The following ZMYND8 variants were observed in gnomAD, a reference collection of about 807,000 sequenced individuals.
ZMYND8 encodes zinc finger MYND-type containing 8, also known as MYND-type zinc finger-containing chromatin reader ZMYND8.
A neutral mutation model predicts 140.8 loss-of-function variants in ZMYND8; 37 were observed. That is an observed-to-expected ratio of 0.26 (90% confidence interval 0.20 to 0.35). The LOEUF (loss-of-function observed/expected upper bound fraction) is 0.35. Among genes scored for constraint, ZMYND8 ranks in the 10% least tolerant of loss-of-function variants. ZMYND8 has a pLI of 1.00. For missense variants in ZMYND8, 1,068 were observed against 1,570.0 expected (o/e 0.68, Z 5.40); for synonymous variants, 592 against 597.1 (o/e 0.99, Z 0.12).
Position 47,336,608 on chromosome 20 carries a change from A to G in ZMYND8, c.85+11248T>C, listed in dbSNP as rs941606266. On this transcript the variant is annotated intron_variant, in intron 2 of 22. Transcript: ENST00000471951. ...TCAAGGCGCTTGTTCTGACTCACGC[A>G]TGGTGAGGCCAAATTCTGCAATGAA... Among the ~76,000 whole-genome samples, 14 of 152,182 alleles carry G rather than the reference A, an allele frequency of 9.2e-5. 1 individual carries two copies. The highest frequency in any genetic ancestry group is 1.9e-4 in the East Asian group (1 of 5,196).
chr20:47,333,745 A>AACAAC (rs2081163428), intron 2 of ZMYND8, among the ~76,000 whole-genome samples: 1 of 143,356 alleles, frequency 7.0e-6, no homozygotes, highest in African/African-American at 2.7e-5. Context: ...AAAAAAAAAA[A>AACAAC]AAAAAAAAAA....
intron 3 of ZMYND8, among the ~76,000 whole-genome samples, chr20:47,308,329 G>A (rs970493845): frequency 1.3e-5 from 2 of 148,824 alleles, no homozygotes; most frequent in Middle Eastern, 3.5e-3. Context: ...AGCAATTCTC[G>A]TGCCTCAGCC....
chr20:47,234,864 G>T (rs939267560), intron 16 of ZMYND8, among the ~76,000 whole-genome samples: 3 of 152,126 alleles, frequency 2.0e-5, no homozygotes, highest in South Asian at 4.2e-4. Flanking sequence ...AACAGGCTGG[G>T]TGTGGTGGCT....
At position 47,238,851 on chromosome 20, in the gene ZMYND8, G is replaced by C. The variant is rs1278370582; in HGVS notation, c.2572C>G (p.Gln858Glu). The C allele has an allele frequency of 5.6e-6, 9 of 1,613,268 alleles. No individual in the cohort carries two copies. The highest frequency in any genetic ancestry group is 6.8e-6 in the Non-Finnish European group (8 of 1,180,046). ...TGCTGCTGCTGCTGCTGCTGACGCT[G>C]CATCTTCTGCATGTGCCACTTTTGG... ...SSQKWHMQKM[Q>E]RQQQQQQQQN... The change falls in exon 15 of 23, where the codon CAG becomes GAG. Residue 858 changes from glutamine (Q) to glutamate (E), a missense_variant. Coordinates refer to ENST00000471951, the MANE Select transcript of ZMYND8 (RefSeq NM_001281775.3).
At chr20:47,299,878 G>A (rs942675917) in intron 3 of ZMYND8, among the ~76,000 whole-genome samples, 8 of 152,234 alleles carry the variant, frequency 5.3e-5, no homozygotes, top group African/African-American at 1.4e-4. Context: ...CACTGCACCC[G>A]GCCAGTTATC....
rs1449293857 is a variant in ZMYND8 at position 47,224,635 on chromosome 20, G to A, written c.3017-79C>T. 3.2e-6 allele frequency: 5 copies of A among 1,583,486 alleles called. No individual in the cohort carries two copies. In the East Asian group the frequency reaches 1.1e-4, roughly 35 times the overall value. The stretch of plus-strand genomic sequence containing the variant: ...GGGGTTATTCCTGCCCCCAGATTCA[G>A]GCAGACGTGGATGCAAGACCTGGCT... On this transcript the variant is annotated intron_variant, in intron 18 of 22. Coordinates refer to ENST00000471951, the MANE Select transcript of ZMYND8 (RefSeq NM_001281775.3).
At chr20:47,313,073 T>G (rs1287803829) in intron 2 of ZMYND8, among the ~76,000 whole-genome samples, 1 of 151,930 alleles carries the variant, frequency 6.6e-6, no homozygotes. Flanking sequence ...AAGAATACAT[T>G]ACAGTCACAT....
chr20:47,253,536 C>CAA (rs11475274), intron 12 of ZMYND8, among the ~76,000 whole-genome samples: 20 of 115,890 alleles, frequency 1.7e-4, no homozygotes, highest in Middle Eastern at 4.2e-3. Flanking sequence ...GACTCCATCT[C>CAA]AAAAAAAAAA....
At chr20:47,240,328 A>T (rs1410162912) in intron 14 of ZMYND8, among the ~76,000 whole-genome samples, 1 of 152,010 alleles carries the variant, frequency 6.6e-6, no homozygotes, top group East Asian at 2.0e-4. Flanking sequence ...CAGCCTGGCC[A>T]ACATAGTGAA....
intron 2 of ZMYND8, among the ~76,000 whole-genome samples, chr20:47,338,519 G>A (rs564177468): frequency 3.9e-5 from 6 of 152,060 alleles, no homozygotes; most frequent in Admixed American, 6.5e-5. Context: ...GCTTCATCCC[G>A]GTCAGCTTCA....
At chr20:47,235,379 TG>T (rs1156461908) in intron 16 of ZMYND8, among the ~76,000 whole-genome samples, 2 of 152,100 alleles carry the variant, frequency 1.3e-5, no homozygotes, top group African/African-American at 4.8e-5. Context: ...GAACTGCAGA[TG>T]GTATCTACCT....
At position 47,219,055 on chromosome 20, in the gene ZMYND8, A is replaced by ATTTTTTTTTTTTTTTTTTTTTTTTT. The variant is rs3092175; in HGVS notation, c.3484+1202_3484+1203insAAAAAAAAAAAAAAAAAAAAAAAAA. Among the ~76,000 whole-genome samples the ATTTTTTTTTTTTTTTTTTTTTTTTT allele has an allele frequency of 1.5e-4, 17 of 110,922 alleles. 1 individual carries two copies. The highest frequency in any genetic ancestry group is 8.4e-4 in the East Asian group (3 of 3,572). 72.8% of individuals were successfully genotyped at this position (110,922 alleles called of 152,430 possible). A position where few individuals can be genotyped will look rare whatever the true frequency, so the allele number is the denominator to read the frequency against. ...AACATGGCAAAACCCCGTTTCTACA[A>ATTTTTTTTTTTTTTTTTTTTTTTTT]TTTTTTTTTTTTTTTTTTTTGAGAG... On this transcript the variant is annotated intron_variant, in intron 21 of 22. Transcript: ENST00000471951.
At chr20:47,266,737 T>C (rs2075554703) in intron 11 of ZMYND8, among the ~76,000 whole-genome samples, 1 of 152,216 alleles carries the variant, frequency 6.6e-6, no homozygotes, top group Admixed American at 6.5e-5. Context: ...AGGGACCATA[T>C]GGCCCCCAAC....
chr20:47,350,025 G>A (rs1272515144), intron 1 of ZMYND8: 7 of 1,462,500 alleles, frequency 4.8e-6, no homozygotes, highest in East Asian at 2.6e-5. Flanking sequence ...GTTATGTGGT[G>A]GCTATTTGCT....
chr20:47,219,075 T>TTTTTTTTTTGG (rs1374089864), intron 21 of ZMYND8, among the ~76,000 whole-genome samples: 1 of 148,544 alleles, frequency 6.7e-6, no homozygotes, highest in African/African-American at 2.5e-5. Context: ...TTTTTTTTTT[T>TTTTTTTTTTGG]GAGAGAGAGT....
intron 18 of ZMYND8, among the ~76,000 whole-genome samples, chr20:47,226,713 G>A (rs1471252726): frequency 6.6e-6 from 1 of 152,214 alleles, no homozygotes; most frequent in African/African-American, 2.4e-5. Context: ...AACAGTTTGT[G>A]TAATGAAATT....
At chr20:47,329,660 T>TCCCAAA (rs1315852449) in intron 2 of ZMYND8, among the ~76,000 whole-genome samples, 1 of 152,136 alleles carries the variant, frequency 6.6e-6, no homozygotes, top group East Asian at 1.9e-4. Context: ...CACCTTGCCC[T>TCCCAAA]CCCAAAGTGC....
At chr20:47,283,536 C>T (rs2076739754) in intron 9 of ZMYND8, 35 bp downstream of exon 9, 1 of 1,610,788 alleles carries the variant, frequency 6.2e-7, no homozygotes, top group Non-Finnish European at 8.5e-7. Context: ...GCACAGGGTT[C>T]AGTAAATGAA....
intron 11 of ZMYND8, among the ~76,000 whole-genome samples, chr20:47,272,091 T>C (rs1176976892): frequency 1.3e-5 from 2 of 151,834 alleles, no homozygotes; most frequent in African/African-American, 4.8e-5. Flanking sequence ...TCTTTTTTTT[T>C]CTTTGAGACA....
Sources: gnomAD v4.1 joint callset for allele counts (sites outside exome capture counted in the v4.1 genomes callset) on GRCh38, gnomAD v4.1.1 for gene constraint, MANE v1.5 for transcripts, NCBI Gene and HGNC (gene_info 2026-07-23, HGNC 2026-07-21) for gene names.